Variants in CEP95 observed in about 807,000 individuals in gnomAD.
CEP95 encodes the protein centrosomal protein of 95 kDa.
In CEP95, 98 loss-of-function variants were observed where a neutral mutation model predicts 111.2. The observed-to-expected ratio is 0.88, with a 90% confidence interval of 0.75 to 1.04. The LOEUF (loss-of-function observed/expected upper bound fraction) is 1.04. CEP95 is among the 50% of genes least tolerant of loss of function. The pLI, the probability that CEP95 is intolerant of heterozygous loss-of-function variation, is 0.00. For synonymous variants in CEP95, 323 were observed against 327.1 expected, an observed-to-expected ratio of 0.99 and a Z score of 0.14; for missense variants, 1,027 against 977.2, an observed-to-expected ratio of 1.05 and a Z score of -0.68.
intron 3 of CEP95, among the ~76,000 whole-genome samples, chr17:64,512,581 C>A (rs782328145): frequency 7.2e-5 from 11 of 152,036 alleles, no homozygotes; most frequent in Non-Finnish European, 1.5e-4. Flanking sequence ...ACTATAATCA[C>A]AAAAAGAGGA....
chr17:64,536,447 T>C (rs1968660108), intron 17 of CEP95, 155 bp from the exon 18 acceptor site: 5 of 522,988 alleles, frequency 9.6e-6, no homozygotes, highest in Non-Finnish European at 1.7e-5. Flanking sequence ...ATAACCTGTC[T>C]CAGAAAAAGG....
intron 1 of CEP95, chr17:64,508,343 T>A: frequency 9.9e-7 from 1 of 1,014,286 alleles, no homozygotes; most frequent in Non-Finnish European, 1.2e-6. Flanking sequence ...CAGTATCAAT[T>A]GAATTTGCAG....
At chr17:64,527,067 C>G (rs782813794) in intron 10 of CEP95, 44 bp from the exon 11 acceptor site, 2 of 1,553,510 alleles carry the variant, frequency 1.3e-6, no homozygotes, top group Non-Finnish European at 1.8e-6. Context: ...AATTTACATT[C>G]TGCTGAAATC....
intron 1 of CEP95, chr17:64,508,104 C>G: frequency 1.0e-6 from 1 of 985,382 alleles, no homozygotes; most frequent in Non-Finnish European, 1.2e-6. Flanking sequence ...AGTTTAATCA[C>G]CACTTTTTCC....
chr17:64,522,688 A>G lies in CEP95; in HGVS notation c.716-14A>G, dbSNP rs1555678144. 6.2e-7 allele frequency: 1 copy of G among 1,603,548 alleles called. No individual in the cohort carries two copies. Among genetic ancestry groups the G allele is most frequent in the Non-Finnish European group, 8.5e-7 (1 of 1,173,256 alleles). On this transcript the variant is annotated splice_polypyrimidine_tract_variant and intron_variant, in intron 7 of 19. Transcript: ENST00000556440. ...GAATTGCATCGTAATATCCACTTTA[A>G]TTTGTCTTACTAGCGGAAACCCTTT... is the stretch of plus-strand genomic sequence containing the variant.
chr17:64,508,511 A>G, intron 1 of CEP95, 81 bp from the exon 2 acceptor site: 2 of 1,227,902 alleles, frequency 1.6e-6, no homozygotes, highest in East Asian at 3.2e-5. Context: ...GTTGGGGGGG[A>G]GGTTGTTGGA....
chr17:64,521,635 G>T, intron 7 of CEP95, 108 bp downstream of exon 7: 2 of 950,822 alleles, frequency 2.1e-6, no homozygotes, highest in East Asian at 2.9e-5. Flanking sequence ...ATCCTTTTTG[G>T]TCTTACATGA....
intron 12 of CEP95, among the ~76,000 whole-genome samples, chr17:64,529,965 C>T (rs1379506867): frequency 1.3e-5 from 2 of 152,174 alleles, no homozygotes; most frequent in African/African-American, 4.8e-5. Flanking sequence ...AAAACCAATT[C>T]AGACATCTTA....
chr17:64,536,564 T>C, intron 17 of CEP95, 38 bp from the exon 18 acceptor site: 1 of 1,536,676 alleles, frequency 6.5e-7, no homozygotes, highest in South Asian at 1.2e-5. Context: ...CAAAATGATA[T>C]TCCTCAATGA....
intron 17 of CEP95, 139 bp from the exon 18 acceptor site, chr17:64,536,463 C>T: frequency 1.8e-6 from 1 of 569,438 alleles, no homozygotes; most frequent in Non-Finnish European, 3.0e-6. Flanking sequence ...AAAGGAGGTA[C>T]ATTTTATGGT....
chr17:64,510,366 G>A (rs2038829130), intron 3 of CEP95, 86 bp downstream of exon 3: 3 of 860,210 alleles, frequency 3.5e-6, no homozygotes, highest in Non-Finnish European at 5.7e-6. Flanking sequence ...TTAACCAAAT[G>A]AGTGAGCTTA....
At chr17:64,522,673 G>A (rs1967447963) in intron 7 of CEP95, 29 bp from the exon 8 acceptor site, 12 of 1,555,422 alleles carry the variant, frequency 7.7e-6, no homozygotes, top group African/African-American at 4.1e-5. Context: ...GAATTGCATC[G>A]TAATATCCAC....
At chr17:64,536,533 C>G in intron 17 of CEP95, 69 bp from the exon 18 acceptor site, 1 of 1,057,662 alleles carries the variant, frequency 9.5e-7, no homozygotes, top group Non-Finnish European at 1.3e-6. Flanking sequence ...GAAATACAAT[C>G]AGTATATACC....
At chr17:64,519,686 G>A (rs1023025774) in intron 6 of CEP95, among the ~76,000 whole-genome samples, 1 of 152,184 alleles carries the variant, frequency 6.6e-6, no homozygotes. Flanking sequence ...TATAACCTGG[G>A]AAGAGAATTA....
intron 17 of CEP95, chr17:64,534,985 A>C: frequency 4.4e-6 from 2 of 456,220 alleles, no homozygotes; most frequent in East Asian, 8.6e-5. Context: ...CCTCCTACAC[A>C]TAACAGGTAC....
At chr17:64,523,087 G>C (rs542154599) in intron 8 of CEP95, among the ~76,000 whole-genome samples, 192 bp downstream of exon 8, 1 of 152,120 alleles carries the variant, frequency 6.6e-6, no homozygotes, top group Non-Finnish European at 1.5e-5. Context: ...TCAAAGCATC[G>C]TACTCCTTAA....
At chr17:64,507,656 T>C (rs1555673418) in intron 1 of CEP95, 2 of 987,644 alleles carry the variant, frequency 2.0e-6, no homozygotes, top group Non-Finnish European at 2.4e-6. Flanking sequence ...TCTAGGACGC[T>C]TTCATCCTTT....
At chr17:64,509,903 A>G (rs2038797577) in intron 2 of CEP95, among the ~76,000 whole-genome samples, 1 of 151,054 alleles carries the variant, frequency 6.6e-6, no homozygotes, top group African/African-American at 2.5e-5. Context: ...ATATCTATAT[A>G]TCTATATATA....
At position 64,510,287 on chromosome 17, in the gene CEP95, A is replaced by T. The variant is rs782557761; in HGVS notation, c.256+7A>T. 1 of 1,497,294 alleles carries T rather than the reference A, an allele frequency of 6.7e-7. No homozygotes were observed. The highest frequency in any genetic ancestry group is 1.1e-5 in the South Asian group (1 of 87,008). 92.8% of individuals were successfully genotyped at this position (1,497,294 alleles called of 1,614,324 possible). Reference sequence around the variant, plus strand: ...AGCTTGTCTCACATAACAGGTTGGTATATGTATAACTATCACATAATTATG... The same window carrying T: ...AGCTTGTCTCACATAACAGGTTGGTTTATGTATAACTATCACATAATTATG... On this transcript the variant is annotated splice_region_variant and intron_variant, in intron 3 of 19. Transcript: ENST00000556440.
Sources: gnomAD v4.1 joint callset for allele counts (sites outside exome capture counted in the v4.1 genomes callset) on GRCh38, gnomAD v4.1.1 for gene constraint, MANE v1.5 for transcripts, NCBI Gene and HGNC (gene_info 2026-07-23, HGNC 2026-07-21) for gene names.